GALNT9: variants seen among roughly 807,000 people sequenced by gnomAD.
GALNT9 encodes the protein GalNAc transferase 9.
GALNT9 carries 47 observed loss-of-function variants against 63.1 expected under a neutral mutation model. The ratio of observed to expected loss-of-function variants is 0.75; its 90% CI spans 0.59 to 0.95. GALNT9 has a LOEUF of 0.95. Ranked by LOEUF, GALNT9 falls within the 40% of genes least tolerant of loss-of-function variation. The pLI is 0.00. For synonymous variants in GALNT9, 396 were observed against 365.7 expected (o/e 1.08, Z -0.94); for missense variants, 829 against 874.8 (o/e 0.95, Z 0.66).
chr12:132,325,505 C>A (rs536170212), intron 1 of GALNT9, among the ~76,000 whole-genome samples: 1 of 152,324 alleles, frequency 6.6e-6, no homozygotes, highest in East Asian at 1.9e-4. Flanking sequence ...GCAGGATGAG[C>A]GTGCAATGAG....
rs1593092875 is a variant in GALNT9 at position 132,265,163 on chromosome 12, CCAA to C, written c.420-2541_420-2539del. ...AAAGATAAAGGAGCGCAAAGATTTT[CCAA>C]CAAGTCCCAAATGCCCATCAATGAG... On this transcript the variant is annotated intron_variant, in intron 2 of 10. Transcript: ENST00000328957. The surrounding 1 kb of genome is among the most constrained non-coding windows in gnomAD (Gnocchi z 5.3). Among the ~76,000 whole-genome samples, 1 of 152,204 alleles carries C rather than the reference CCAA, an allele frequency of 6.6e-6. No homozygotes were observed. The highest frequency in any genetic ancestry group is 1.9e-4 in the East Asian group (1 of 5,196).
chr12:132,310,023 G>A lies in GALNT9; in HGVS notation c.238+18943C>T, dbSNP rs1881757424. Among the ~76,000 whole-genome samples, 1 of 152,240 alleles carries A rather than the reference G, an allele frequency of 6.6e-6. No homozygotes were observed. The highest frequency in any genetic ancestry group is 1.5e-5 in the Non-Finnish European group (1 of 68,044). ...GCAAGACTCGAGTGGAACTTGCTGG[G>A]TGGAATTTCTGAGAAATATGTCTAA... On this transcript the variant is annotated intron_variant, in intron 1 of 10. Coordinates refer to ENST00000328957, the MANE Select transcript of GALNT9 (RefSeq NM_001122636.2). This position sits in a 1 kb window ranked among gnomAD's most constrained non-coding sequence, Gnocchi z 4.8.
intron 6 of GALNT9, among the ~76,000 whole-genome samples, chr12:132,205,132 C>T (rs1015201744): frequency 2.2e-4 from 33 of 152,164 alleles, no homozygotes; most frequent in Non-Finnish European, 2.8e-4. Flanking sequence ...CTCTCATCTC[C>T]AGGCCGTTAT....
At position 132,196,691 on chromosome 12, in the gene GALNT9, A is replaced by C; in HGVS notation, c.*416T>G. ...GCTGAGCGGCCGCAAGTGCTGGGGG[A>C]GGCTGCTTGGAGCATGGGAGGCCTG... On this transcript the variant is annotated 3_prime_UTR_variant, in exon 11 of 11. Transcript: ENST00000328957. 1 of 1,002,732 alleles carries C rather than the reference A, an allele frequency of 1.0e-6. No homozygotes were observed. The highest frequency in any genetic ancestry group is 1.2e-6 in the Non-Finnish European group (1 of 841,308). 62.1% of individuals were successfully genotyped at this position (1,002,732 alleles called of 1,614,324 possible).
intron 1 of GALNT9, among the ~76,000 whole-genome samples, chr12:132,292,596 C>A (rs893239337): frequency 3.9e-5 from 6 of 152,224 alleles, no homozygotes; most frequent in African/African-American, 1.4e-4. Context: ...CCCTACAACA[C>A]TGCGCAGAAT....
Position 132,236,431 on chromosome 12 carries a change from C to T in GALNT9, c.1077+11479G>A, listed in dbSNP as rs2135528138. Among the ~76,000 whole-genome samples the T allele has an allele frequency of 6.6e-6, 1 of 152,074 alleles. No individual in the cohort carries two copies. Among genetic ancestry groups the T allele is most frequent in the African/African-American group, 2.4e-5 (1 of 41,474 alleles). On this transcript the variant is annotated intron_variant, in intron 6 of 10. Coordinates refer to ENST00000328957, the MANE Select transcript of GALNT9 (RefSeq NM_001122636.2). This position sits in a 1 kb window ranked among gnomAD's most constrained non-coding sequence, Gnocchi z 5.6. ...AGACCCCACAGCGTCTGCGGAGCTC[C>T]CTGAGGCCCCATAGCACCTGTCATC...
At position 132,286,228 on chromosome 12, in the gene GALNT9, T is replaced by A; in HGVS notation, c.419+22A>T. The A allele has an allele frequency of 6.8e-7, 1 of 1,463,674 alleles. No homozygotes were observed. Among genetic ancestry groups the A allele is most frequent in the South Asian group, 1.2e-5 (1 of 81,338 alleles). The allele number at this position is 1,463,674 out of a possible 1,614,324, so 90.7% of individuals were successfully genotyped here. On this transcript the variant is annotated intron_variant, in intron 2 of 10. Coordinates refer to ENST00000328957, the MANE Select transcript of GALNT9 (RefSeq NM_001122636.2). The surrounding 1 kb of genome is among the most constrained non-coding windows in gnomAD (Gnocchi z 7.4). ...CACTTCCTCGGCGGGCGTCGGGGGA[T>A]GGGGGGCAGTCACTCACTCACTTTC...
chr12:132,249,640 G>A (rs1878835254), intron 5 of GALNT9, among the ~76,000 whole-genome samples: 1 of 152,192 alleles, frequency 6.6e-6, no homozygotes, highest in African/African-American at 2.4e-5. Flanking sequence ...ATCATTTCAG[G>A]GTGATCTCTG....
At position 132,262,456 on chromosome 12, in the gene GALNT9, C is replaced by T; in HGVS notation, c.586+3G>A. The T allele has an allele frequency of 6.5e-7, 1 of 1,548,626 alleles. No individual in the cohort carries two copies. The highest frequency in any genetic ancestry group is 8.7e-7 in the Non-Finnish European group (1 of 1,145,562). On this transcript the variant is annotated splice_donor_region_variant and intron_variant, in intron 3 of 10. Coordinates refer to ENST00000328957, the MANE Select transcript of GALNT9 (RefSeq NM_001122636.2). Reference sequence around the variant, plus strand: ...GCACCGTGCCGAGGCCCCGCCCACTCACCGTTGTCACTGTTGTCGTCCACC... The same window carrying T: ...GCACCGTGCCGAGGCCCCGCCCACTTACCGTTGTCACTGTTGTCGTCCACC...
intron 1 of GALNT9, among the ~76,000 whole-genome samples, chr12:132,303,875 G>A (rs367992283): frequency 2.9e-5 from 1 of 34,516 alleles, no homozygotes; most frequent in Non-Finnish European, 5.5e-5. Context: ...ACACACCCTC[G>A]CCTGGGCACA....
intron 5 of GALNT9, 83 bp from the exon 6 acceptor site, chr12:132,248,110 G>C: frequency 6.7e-7 from 1 of 1,483,908 alleles, no homozygotes; most frequent in African/African-American, 1.4e-5. Flanking sequence ...GGAAAGCCTG[G>C]AAGACCCCAC....
At chr12:132,200,976 G>T in intron 8 of GALNT9, 148 bp downstream of exon 8, 1 of 725,322 alleles carries the variant, frequency 1.4e-6, no homozygotes. Context: ...AGGGCGGAAG[G>T]CCTGTCGGGC....
At chr12:132,235,503 G>C (rs891631319) in intron 6 of GALNT9, among the ~76,000 whole-genome samples, 45 of 152,196 alleles carry the variant, frequency 3.0e-4, no homozygotes, top group African/African-American at 1.1e-3. Context: ...GGCACAGCTC[G>C]GAGGTGGGGA....
At position 132,286,674 on chromosome 12, in the gene GALNT9, G is replaced by A. The variant is rs1301270643; in HGVS notation, c.239-244C>T. ...ATGGGTGGTACATGAGGCGTTGAAG[G>A]CAGTGGACTCTGTGTGATGCTGCAA... On this transcript the variant is annotated intron_variant, in intron 1 of 10. Transcript: ENST00000328957. This position sits in a 1 kb window ranked among gnomAD's most constrained non-coding sequence, Gnocchi z 7.4. Among the ~76,000 whole-genome samples, 1 of 152,214 alleles carries A rather than the reference G, an allele frequency of 6.6e-6. No individual in the cohort carries two copies. Among genetic ancestry groups the A allele is most frequent in the Admixed American group, 6.5e-5 (1 of 15,290 alleles).
Position 132,252,041 on chromosome 12 carries a change from A to G in GALNT9, c.960-4014T>C, listed in dbSNP as rs1204168453. On this transcript the variant is annotated intron_variant, in intron 5 of 10. Coordinates refer to ENST00000328957, the MANE Select transcript of GALNT9 (RefSeq NM_001122636.2). This position sits in a 1 kb window ranked among gnomAD's most constrained non-coding sequence, Gnocchi z 5.2. ...CCGGATCTTAACTGGGATCCCAGGAATCCTCCGTGATGAGGATGGTCCCCA... is the reference window on the plus strand; with the variant it reads ...CCGGATCTTAACTGGGATCCCAGGAGTCCTCCGTGATGAGGATGGTCCCCA... 1.3e-5 allele frequency among the ~76,000 whole-genome samples: 2 copies of G among 152,212 alleles called. No individual in the cohort carries two copies. Among genetic ancestry groups the G allele is most frequent in the Admixed American group, 6.5e-5 (1 of 15,282 alleles).
chr12:132,310,454 G>A lies in GALNT9; in HGVS notation c.238+18512C>T, dbSNP rs1167038379. 6.6e-6 allele frequency among the ~76,000 whole-genome samples: 1 copy of A among 152,180 alleles called. No homozygotes were observed. The highest frequency in any genetic ancestry group is 2.4e-5 in the African/African-American group (1 of 41,438). On this transcript the variant is annotated intron_variant, in intron 1 of 10. Coordinates refer to ENST00000328957, the MANE Select transcript of GALNT9 (RefSeq NM_001122636.2). The surrounding 1 kb of genome is among the most constrained non-coding windows in gnomAD (Gnocchi z 4.8). ...AGCCCCACCCAGAAGGACGGGGCCG[G>A]CCATCTCCTGGAGGCTGAGAGCCCT... is the stretch of plus-strand genomic sequence containing the variant.
intron 3 of GALNT9, 28 bp downstream of exon 3, chr12:132,262,431 G>C: frequency 2.0e-6 from 3 of 1,538,124 alleles, no homozygotes; most frequent in Non-Finnish European, 2.6e-6. Context: ...CGCCCGGCGA[G>C]CACCGTGCCG....
chr12:132,267,881 GCACTCA>G (rs1879692983), intron 2 of GALNT9, among the ~76,000 whole-genome samples: 1 of 123,040 alleles, frequency 8.1e-6, no homozygotes, highest in Admixed American at 7.7e-5. Flanking sequence ...CAACCCACAT[GCACTCA>G]CACGCACACA....
At position 132,197,857 on chromosome 12, in the gene GALNT9, T is replaced by A. The variant is rs1875640979; in HGVS notation, c.1600A>T (p.Met534Leu). Residue 534 changes from methionine to leucine, a missense_variant, in exon 10 of 11, where the codon ATG becomes TTG. Transcript: ENST00000328957. The part of the protein sequence containing the change: ...KCLVDDGTGR[M>L]PTLKKCEDVA... ...TCCTCACACTTCTTCAGGGTGGGCA[T>A]GCGGCCCGTGCCGTCATCCACCAGA... is the stretch of plus-strand genomic sequence containing the variant. The A allele has an allele frequency of 1.2e-6, 2 of 1,605,578 alleles. No homozygotes were observed. The highest frequency in any genetic ancestry group is 3.4e-5 in the Admixed American group (2 of 59,322).
Sources: gnomAD v4.1 joint callset for allele counts (sites outside exome capture counted in the v4.1 genomes callset) on GRCh38, gnomAD v4.1.1 for gene constraint, Gnocchi (gnomAD v3.1) non-coding constraint, MANE v1.5 for transcripts, NCBI Gene and HGNC (gene_info 2026-07-23, HGNC 2026-07-21) for gene names.